ZNF385D: variants seen among roughly 807,000 people sequenced by gnomAD.
ZNF385D encodes zinc finger protein 659.
Under a neutral mutation model 35.8 loss-of-function variants are expected in ZNF385D, and 15 were observed. That is an observed-to-expected ratio of 0.42 (90% CI 0.28 to 0.64). The LOEUF is 0.64. Ranked by LOEUF, ZNF385D falls within the 30% of genes least tolerant of loss-of-function variation. ZNF385D has a pLI of 0.23. For synonymous variants in ZNF385D, 212 were observed against 186.8 expected (o/e 1.13, Z -1.10); for missense variants, 474 against 494.6 (o/e 0.96, Z 0.39).
chr3:22,293,747 A>C (rs1249839219), intron 2 of ZNF385D, among the ~76,000 whole-genome samples: 2 of 152,132 alleles, frequency 1.3e-5, no homozygotes, highest in Non-Finnish European at 2.9e-5. Context: ...AATCAACTTC[A>C]GCATCAGCAT....
At chr3:22,009,420 G>A (rs1388733445) in intron 3 of ZNF385D, among the ~76,000 whole-genome samples, 4 of 151,930 alleles carry the variant, frequency 2.6e-5, no homozygotes, top group Admixed American at 2.6e-4. Context: ...CGAGGAGATC[G>A]AGACCATCCT....
At chr3:22,287,835 CTTTTA>C (rs1007713479) in intron 2 of ZNF385D, among the ~76,000 whole-genome samples, 5 of 151,908 alleles carry the variant, frequency 3.3e-5, no homozygotes, top group African/African-American at 9.7e-5. Flanking sequence ...AATTTATTTA[CTTTTA>C]TTTTGTGAGT....
At chr3:22,313,798 T>A (rs1163449679) in intron 2 of ZNF385D, among the ~76,000 whole-genome samples, 1 of 152,186 alleles carries the variant, frequency 6.6e-6, no homozygotes, top group East Asian at 1.9e-4. Flanking sequence ...AAATGGGAAT[T>A]TGTTATCCTT....
At chr3:21,664,655 TC>T (rs1303030391) in intron 2 of ZNF385D, among the ~76,000 whole-genome samples, 49 of 152,312 alleles carry the variant, frequency 3.2e-4, no homozygotes, top group African/African-American at 1.1e-3. Flanking sequence ...AGGGGATACA[TC>T]AACTCATGAT....
At chr3:22,095,512 C>T (rs1242488393) in intron 3 of ZNF385D, among the ~76,000 whole-genome samples, 1 of 151,938 alleles carries the variant, frequency 6.6e-6, no homozygotes, top group Non-Finnish European at 1.5e-5. Context: ...GATCTATCTT[C>T]TGATTCAATA....
At chr3:21,921,671 T>A (rs576070443) in intron 3 of ZNF385D, among the ~76,000 whole-genome samples, 4 of 111,698 alleles carry the variant, frequency 3.6e-5, no homozygotes, top group Non-Finnish European at 6.8e-5. Flanking sequence ...AAGCCAAGAA[T>A]ATATGTCTTC....
chr3:22,287,467 G>A (rs756115318), intron 2 of ZNF385D, among the ~76,000 whole-genome samples: 22 of 151,588 alleles, frequency 1.5e-4, no homozygotes, highest in Admixed American at 2.6e-4. Context: ...CTGTCTTTGC[G>A]GCTTAATGGT....
chr3:22,291,913 CTATTA>C (rs372889401), intron 2 of ZNF385D, among the ~76,000 whole-genome samples: 6 of 152,050 alleles, frequency 3.9e-5, no homozygotes, highest in African/African-American at 1.4e-4. Flanking sequence ...TTCTTTTCTT[CTATTA>C]TCTTTCTCTT....
At chr3:21,785,982 T>C (rs1258270114) in intron 3 of ZNF385D, among the ~76,000 whole-genome samples, 2 of 151,800 alleles carry the variant, frequency 1.3e-5, no homozygotes, top group Non-Finnish European at 2.9e-5. Flanking sequence ...AAGCAGGAAG[T>C]GTGGAGCATG....
chr3:21,445,118 A>G (rs6550608), intron 4 of ZNF385D, among the ~76,000 whole-genome samples: 50,444 of 152,110 alleles, frequency 0.33, 10,265 homozygotes, highest in African/African-American at 0.57. Context: ...CCTACTTTAT[A>G]TCTTCAACCT....
At chr3:21,776,229 T>A (rs988618186) in intron 3 of ZNF385D, among the ~76,000 whole-genome samples, 10 of 151,928 alleles carry the variant, frequency 6.6e-5, no homozygotes, top group African/African-American at 2.4e-4. Flanking sequence ...AAGGACATCC[T>A]CCTCCATTAG....
At chr3:22,351,991 C>T (rs1389661) in intron 2 of ZNF385D, among the ~76,000 whole-genome samples, 66,724 of 151,922 alleles carry the variant, frequency 0.44, 17,945 homozygotes, top group African/African-American at 0.76. Flanking sequence ...TACCTCATAC[C>T]GTTCATGTAG....
intron 3 of ZNF385D, among the ~76,000 whole-genome samples, chr3:22,044,461 A>G (rs1698861630): frequency 1.3e-5 from 2 of 152,142 alleles, no homozygotes; most frequent in Non-Finnish European, 2.9e-5. Flanking sequence ...AAAAACAAAC[A>G]TAAAAATTTT....
intron 1 of ZNF385D, among the ~76,000 whole-genome samples, chr3:21,739,973 T>C (rs2069431643): frequency 6.6e-6 from 1 of 152,208 alleles, no homozygotes; most frequent in Non-Finnish European, 1.5e-5. Context: ...AGAGATCAAG[T>C]TGCTTGCCCA....
At chr3:22,292,248 G>C (rs886972047) in intron 2 of ZNF385D, among the ~76,000 whole-genome samples, 2 of 151,936 alleles carry the variant, frequency 1.3e-5, no homozygotes, top group African/African-American at 4.8e-5. Context: ...TCTATCTTCT[G>C]AGCCCTAACA....
intron 3 of ZNF385D, chr3:21,957,260 G>GAAAAC (rs1702341731): frequency 2.0e-5 from 3 of 152,370 alleles, no homozygotes; most frequent in Admixed American, 2.0e-4. Flanking sequence ...CCAGCAGTGT[G>GAAAAC]AAAACAAACT....
chr3:22,313,607 C>T (rs1703714536), intron 2 of ZNF385D, among the ~76,000 whole-genome samples: 2 of 151,942 alleles, frequency 1.3e-5, no homozygotes, highest in South Asian at 4.2e-4. Flanking sequence ...AAAAAAATAA[C>T]TTAAGCTAAG....
intron 3 of ZNF385D, among the ~76,000 whole-genome samples, chr3:21,946,254 A>C (rs1035860710): frequency 6.6e-6 from 1 of 152,194 alleles, no homozygotes; most frequent in Admixed American, 6.5e-5. Flanking sequence ...CAATTACAGA[A>C]AGTAAAATAT....
At chr3:21,578,393 A>G (rs2063555740) in intron 2 of ZNF385D, among the ~76,000 whole-genome samples, 1 of 152,130 alleles carries the variant, frequency 6.6e-6, no homozygotes. Flanking sequence ...TATACATAAA[A>G]TCTTTGCCCA....
Sources: gnomAD v4.1 joint callset for allele counts (sites outside exome capture counted in the v4.1 genomes callset) on GRCh38, gnomAD v4.1.1 for gene constraint, MANE v1.5 for transcripts, NCBI Gene and HGNC (gene_info 2026-07-23, HGNC 2026-07-21) for gene names.